RTN1: variants seen among roughly 807,000 people sequenced by gnomAD.
RTN1 encodes reticulon-1.
A neutral mutation model predicts 65.5 loss-of-function variants in RTN1; 25 were observed. The ratio of observed to expected loss-of-function variants is 0.38; its 90% CI spans 0.28 to 0.53. The LOEUF (loss-of-function observed/expected upper bound fraction) is 0.53. Ranked by LOEUF, RTN1 falls within the 20% of genes least tolerant of loss-of-function variation. The pLI, the probability that RTN1 is intolerant of heterozygous loss-of-function variation, is 0.79. For synonymous variants in RTN1, 471 were observed against 447.6 expected, an observed-to-expected ratio of 1.05 and a Z score of -0.66; for missense variants, 983 against 1,025.4, an observed-to-expected ratio of 0.96 and a Z score of 0.57.
At position 59,727,133 on chromosome 14, in the gene RTN1, G is replaced by A; in HGVS notation, c.1551C>T (p.Ala517=). 4 of 1,605,360 alleles carry A rather than the reference G, an allele frequency of 2.5e-6. No homozygotes were observed. The highest frequency in any genetic ancestry group is 3.4e-6 in the Non-Finnish European group (4 of 1,176,050). The change falls in exon 3 of 9, where the codon GCC becomes GCT. Residue 517 remains alanine (A), a synonymous_variant. Transcript: ENST00000267484. This position sits in a 1 kb window ranked among gnomAD's most constrained non-coding sequence, Gnocchi z 4.2. ...GGTAGTCGAGGAAGGAACCCGGCTCGGCCAGGCCCCGCCGGCTTGGCGCAC... is the reference window on the plus strand; with the variant it reads ...GGTAGTCGAGGAAGGAACCCGGCTCAGCCAGGCCCCGCCGGCTTGGCGCAC... ...EERAPSRRGL[A]EPGSFLDYPS...
Position 59,748,720 on chromosome 14 carries a change from T to C in RTN1, c.242-2239A>G, listed in dbSNP as rs1382793743. ...AATTTCTGACTATTTTGCTCACCAA[T>C]ATAGGCACCTAAAACAGGGCCTGAT... On this transcript the variant is annotated intron_variant, in intron 1 of 8. Transcript: ENST00000267484. 3.9e-5 allele frequency among the ~76,000 whole-genome samples: 6 copies of C among 152,104 alleles called. No homozygotes were observed. The East Asian group carries it at 9.6e-4, about 24-fold the overall frequency.
intron 1 of RTN1, among the ~76,000 whole-genome samples, chr14:59,841,699 T>A (rs1373234575): frequency 1.5e-5 from 2 of 134,744 alleles, no homozygotes; most frequent in Admixed American, 7.3e-5. Flanking sequence ...AGAGCGAGAC[T>A]CCATTAAAAA....
intron 1 of RTN1, among the ~76,000 whole-genome samples, chr14:59,819,618 C>T (rs1302096663): frequency 5.9e-5 from 9 of 152,138 alleles, no homozygotes; most frequent in Middle Eastern, 3.4e-3. Flanking sequence ...AGCCCTTGGG[C>T]GGTCGATGGG....
chr14:59,858,546 C>T (rs1217253060), intron 1 of RTN1, among the ~76,000 whole-genome samples: 7 of 151,068 alleles, frequency 4.6e-5, no homozygotes, highest in South Asian at 2.1e-4. Context: ...AGAATGTGAG[C>T]GTCAACAAAT....
chr14:59,861,578 A>C (rs1301622377), intron 1 of RTN1, among the ~76,000 whole-genome samples: 5 of 152,180 alleles, frequency 3.3e-5, no homozygotes, highest in Non-Finnish European at 5.9e-5. Context: ...TGCTTTCCCC[A>C]CATTAAAATG....
At chr14:59,685,955 A>G (rs1271911714) in intron 3 of RTN1, among the ~76,000 whole-genome samples, 1 of 152,242 alleles carries the variant, frequency 6.6e-6, no homozygotes, top group Admixed American at 6.5e-5. Flanking sequence ...ACTGCATGGT[A>G]CTGGCATAAA....
rs145430595 is a variant in RTN1 at position 59,839,478 on chromosome 14, C to T, written c.241+30912G>A. 2.2e-4 allele frequency among the ~76,000 whole-genome samples: 34 copies of T among 152,250 alleles called. No homozygotes were observed. In the East Asian group the frequency reaches 6.0e-3, roughly 27 times the overall value. ...CAAAGGAATATTAAGCATTGATAAT[C>T]TTCCTCCCTTCATCCAGATCCCACT... On this transcript the variant is annotated intron_variant, in intron 1 of 8. Coordinates refer to ENST00000267484, the MANE Select transcript of RTN1 (RefSeq NM_021136.3).
At chr14:59,824,929 C>T (rs1213259094) in intron 1 of RTN1, among the ~76,000 whole-genome samples, 1 of 152,156 alleles carries the variant, frequency 6.6e-6, no homozygotes, top group East Asian at 1.9e-4. Flanking sequence ...TATGTAGAAT[C>T]TTAAAAAGCT....
chr14:59,855,587 G>A (rs1048616735), intron 1 of RTN1, among the ~76,000 whole-genome samples: 11 of 152,110 alleles, frequency 7.2e-5, no homozygotes, highest in Non-Finnish European at 7.4e-5. Flanking sequence ...ATATGGTGTC[G>A]ATTGTCTTTT....
chr14:59,750,233 T>C (rs1381757372), intron 1 of RTN1, among the ~76,000 whole-genome samples: 14 of 56,154 alleles, frequency 2.5e-4, no homozygotes, highest in African/African-American at 1.0e-3. Flanking sequence ...ATCTATAATA[T>C]ATATATTATA....
At chr14:59,719,459 T>A (rs1455065107) in intron 3 of RTN1, among the ~76,000 whole-genome samples, 2 of 152,206 alleles carry the variant, frequency 1.3e-5, no homozygotes, top group African/African-American at 4.8e-5. Context: ...GATTTTCTTC[T>A]TAATGTCTAC....
intron 3 of RTN1, among the ~76,000 whole-genome samples, chr14:59,713,525 C>T (rs1007783952): frequency 6.6e-6 from 1 of 152,210 alleles, no homozygotes; most frequent in Non-Finnish European, 1.5e-5. Context: ...AGACAAGCTT[C>T]AGAACACTTA....
intron 3 of RTN1, among the ~76,000 whole-genome samples, chr14:59,664,774 TCTGA>T (rs1313340769): frequency 4.6e-5 from 7 of 152,188 alleles, no homozygotes; most frequent in Admixed American, 3.9e-4. Context: ...GAAGAAAGCT[TCTGA>T]CTATTATAAC....
chr14:59,787,101 T>C (rs1306622729), intron 1 of RTN1, among the ~76,000 whole-genome samples: 2 of 152,170 alleles, frequency 1.3e-5, no homozygotes, highest in Non-Finnish European at 2.9e-5. Flanking sequence ...TTCCAAAGTC[T>C]ATTTTGAGTC....
chr14:59,685,919 A>G (rs1374820040), intron 3 of RTN1, among the ~76,000 whole-genome samples: 2 of 152,246 alleles, frequency 1.3e-5, no homozygotes, highest in South Asian at 2.1e-4. Context: ...TTCAAAATGT[A>G]CTACTATAAA....
chr14:59,600,463 G>A (rs1181039244), intron 8 of RTN1, among the ~76,000 whole-genome samples: 2 of 152,078 alleles, frequency 1.3e-5, no homozygotes, highest in East Asian at 3.8e-4. Flanking sequence ...GCCAGAAATG[G>A]ACTCAGTCTG....
chr14:59,607,501 G>A lies in RTN1; in HGVS notation c.1766-9C>T, dbSNP rs1243240403. Reference sequence around the variant, plus strand: ...ATACAACAGGTCAATAGCTGCAGGAGACACCAAACACACCCAGCTGAGCTC... The same window carrying A: ...ATACAACAGGTCAATAGCTGCAGGAAACACCAAACACACCCAGCTGAGCTC... On this transcript the variant is annotated splice_polypyrimidine_tract_variant and intron_variant, in intron 3 of 8. Transcript: ENST00000267484. The A allele has an allele frequency of 1.3e-6, 2 of 1,596,344 alleles. No individual in the cohort carries two copies. Among genetic ancestry groups the A allele is most frequent in the Admixed American group, 1.7e-5 (1 of 57,674 alleles).
chr14:59,655,846 A>G (rs1372938771), intron 3 of RTN1, among the ~76,000 whole-genome samples: 1 of 152,246 alleles, frequency 6.6e-6, no homozygotes, highest in East Asian at 1.9e-4. Context: ...CTCAAAATAG[A>G]TGAAAGACCA....
At chr14:59,726,181 G>A (rs537342517) in intron 3 of RTN1, among the ~76,000 whole-genome samples, 15 of 152,264 alleles carry the variant, frequency 9.9e-5, no homozygotes, top group African/African-American at 2.6e-4. Flanking sequence ...TCTTGTACAC[G>A]TATAATGTCT....
Sources: allele counts gnomAD v4.1 joint callset (sites outside exome capture counted in the v4.1 genomes callset), GRCh38; gene constraint gnomAD v4.1.1; non-coding constraint Gnocchi (gnomAD v3.1); transcripts MANE v1.5; gene names NCBI Gene and HGNC (gene_info 2026-07-23, HGNC 2026-07-21).